AGPAT1: variants seen among roughly 807,000 people sequenced by gnomAD.
AGPAT1 encodes the protein 1-acylglycerol-3-phosphate O-acyltransferase 1.
AGPAT1 carries 6 observed loss-of-function variants against 31.2 expected under a neutral mutation model. The observed-to-expected ratio is 0.19, with a 90% CI of 0.11 to 0.38. AGPAT1 has a LOEUF of 0.38. Among genes scored for constraint, AGPAT1 ranks in the 10% least tolerant of loss-of-function variants. The pLI is 1.00. For missense variants in AGPAT1, 187 were observed against 377.8 expected (o/e 0.49, Z 4.19); for synonymous variants, 139 against 154.0 (o/e 0.90, Z 0.72).
rs1052230279 is a variant in AGPAT1 at position 32,174,543 on chromosome 6, T to C, written c.-10+1271A>G. On this transcript the variant is annotated intron_variant, in intron 1 of 6. Transcript: ENST00000375107. This position sits in a 1 kb window ranked among gnomAD's most constrained non-coding sequence, Gnocchi z 4.5. ...TGCAAAGAATGGAGGATAATGTCCA[T>C]AAATAAATACCAACAATGGGGTTCA... Among the ~76,000 whole-genome samples, 6 of 152,186 alleles carry C rather than the reference T, an allele frequency of 3.9e-5. No individual in the cohort carries two copies. Among genetic ancestry groups the C allele is most frequent in the Admixed American group, 3.3e-4 (5 of 15,280 alleles).
At position 32,171,381 on chromosome 6, in the gene AGPAT1, G is replaced by A. The variant is rs756914433; in HGVS notation, c.116C>T (p.Ala39Val). ...GAAGAGGATCCAGCCATTGTAGAAG[G>A]CCATCTTGAAGAAGTACTTGGCACT... ...SPSAKYFFKMAFYNGWILFLA... is the reference protein window; with the variant it reads ...SPSAKYFFKMVFYNGWILFLA... The change falls in exon 2 of 7, where the codon GCC becomes GTC. Residue 39 changes from alanine to valine, a missense_variant. Ala to Val is a moderately conservative substitution (Grantham distance 64). Around this residue, in one of 3 missense-constraint regions of AGPAT1, gnomAD observed 45 missense variants for 60.9 expected, o/e 0.74. Transcript: ENST00000375107. This position sits in a 1 kb window ranked among gnomAD's most constrained non-coding sequence, Gnocchi z 6.9. 6.2e-7 allele frequency: 1 copy of A among 1,613,066 alleles called. No homozygotes were observed.
upstream of AGPAT1, chr6:32,177,242 G>A (rs1370695218): frequency 2.5e-6 from 1 of 396,400 alleles, no homozygotes; most frequent in East Asian, 3.6e-5. Context: ...ACCTAATTCT[G>A]CTCCTTTAGT....
rs1582668511 is a variant in AGPAT1 at position 32,172,662 on chromosome 6, A to T, written c.-9-1157T>A. 6.6e-6 allele frequency among the ~76,000 whole-genome samples: 1 copy of T among 152,304 alleles called. No homozygotes were observed. The highest frequency in any genetic ancestry group is 2.1e-4 in the South Asian group (1 of 4,830). On this transcript the variant is annotated intron_variant, in intron 1 of 6. Transcript: ENST00000375107. The surrounding 1 kb of genome is among the most constrained non-coding windows in gnomAD (Gnocchi z 4.3). ...ACCACTCCATTACGCTGACACTGGT[A>T]TGTATTGCATATATATATACGAACA...
chr6:32,171,830 G>A lies in AGPAT1; in HGVS notation c.-9-325C>T. On this transcript the variant is annotated intron_variant, in intron 1 of 6. Coordinates refer to ENST00000375107, the MANE Select transcript of AGPAT1 (RefSeq NM_006411.4). This position sits in a 1 kb window ranked among gnomAD's most constrained non-coding sequence, Gnocchi z 6.9. ...AATAGCTAACACTTGTAGCTGGTAA[G>A]GGTCTTATAATGGTCTATACTTGTG... The A allele has an allele frequency of 4.0e-6, 2 of 501,096 alleles. No individual in the cohort carries two copies. 31.0% of individuals were successfully genotyped at this position (501,096 alleles called of 1,614,324 possible). A position where few individuals can be genotyped will look rare whatever the true frequency, so the allele number is the denominator to read the frequency against.
chr6:32,172,495 TG>T lies in AGPAT1; in HGVS notation c.-9-991del, dbSNP rs1351712048. On this transcript the variant is annotated intron_variant, in intron 1 of 6. Transcript: ENST00000375107. This position sits in a 1 kb window ranked among gnomAD's most constrained non-coding sequence, Gnocchi z 4.3. The stretch of plus-strand genomic sequence containing the variant: ...TATACATTAAGTTAAACTCTTAAAA[TG>T]ATGCATATGATAGTCTAGAAAGTAC... 7.2e-5 allele frequency among the ~76,000 whole-genome samples: 11 copies of T among 152,190 alleles called. No homozygotes were observed. The highest frequency in any genetic ancestry group is 2.7e-4 in the African/African-American group (11 of 41,432).
In AGPAT1 at chr6:32,174,266, G is replaced by A. The variant is rs1381157507; in HGVS notation, c.-10+1548C>T. Reference sequence around the variant, plus strand: ...CCATAGAGCCACAGTTAATGACAGAGATGGCGGTTCTGATCACAAATTAGA... The same window carrying A: ...CCATAGAGCCACAGTTAATGACAGAAATGGCGGTTCTGATCACAAATTAGA... On this transcript the variant is annotated intron_variant, in intron 1 of 6. Transcript: ENST00000375107. The surrounding 1 kb of genome is among the most constrained non-coding windows in gnomAD (Gnocchi z 4.5). Among the ~76,000 whole-genome samples the A allele has an allele frequency of 6.6e-6, 1 of 152,202 alleles. No individual in the cohort carries two copies. The highest frequency in any genetic ancestry group is 1.5e-5 in the Non-Finnish European group (1 of 68,032).
rs1785227045 is a variant in AGPAT1 at position 32,172,875 on chromosome 6, A to G, written c.-9-1370T>C. 1 of 152,236 alleles carries G rather than the reference A, an allele frequency of 6.6e-6. No homozygotes were observed. Among genetic ancestry groups the G allele is most frequent in the Admixed American group, 6.5e-5 (1 of 15,280 alleles). The allele number at this position is 152,236 out of a possible 1,614,324, so 9.4% of individuals were successfully genotyped here. ...GACAGATAAAAGAATGTAAATGCAT[A>G]ACTAGAAAAATCCCTCTCCACCCAG... On this transcript the variant is annotated intron_variant, in intron 1 of 6. Coordinates refer to ENST00000375107, the MANE Select transcript of AGPAT1 (RefSeq NM_006411.4). This position sits in a 1 kb window ranked among gnomAD's most constrained non-coding sequence, Gnocchi z 4.3.
rs1269839 is a variant in AGPAT1, at chr6:32,169,153, G to A, written c.*123C>T. 3.8e-6 allele frequency: 4 copies of A among 1,066,564 alleles called. No individual in the cohort carries two copies. The highest frequency in any genetic ancestry group is 5.5e-6 in the Non-Finnish European group (4 of 731,804). The allele number at this position is 1,066,564 out of a possible 1,614,324, so 66.1% of individuals were successfully genotyped here. A position where few individuals can be genotyped will look rare whatever the true frequency, so the allele number is the denominator to read the frequency against. Reference sequence around the variant, plus strand: ...CACTTCAGAAGTTGAAGATTCCAAAGAGGAGAATAAGTGGGGAGAGGGGAG... The same window carrying A: ...CACTTCAGAAGTTGAAGATTCCAAAAAGGAGAATAAGTGGGGAGAGGGGAG... On this transcript the variant is annotated 3_prime_UTR_variant, in exon 7 of 7. Transcript: ENST00000375107. This position sits in a 1 kb window ranked among gnomAD's most constrained non-coding sequence, Gnocchi z 5.9.
rs935853757 is a variant in AGPAT1 at position 32,170,264 on chromosome 6, G to A, written c.511-4C>T. On this transcript the variant is annotated splice_region_variant and splice_polypyrimidine_tract_variant and intron_variant, in intron 4 of 6. Coordinates refer to ENST00000375107, the MANE Select transcript of AGPAT1 (RefSeq NM_006411.4). This position sits in a 1 kb window ranked among gnomAD's most constrained non-coding sequence, Gnocchi z 7.7. ...CAGGAAACACCCAGACCCTCACCTG[G>A]GGGAGAAAGAGGGTCAAAGAAGACA... 13 of 1,612,320 alleles carry A rather than the reference G, an allele frequency of 8.1e-6. No homozygotes were observed. Among genetic ancestry groups the A allele is most frequent in the Non-Finnish European group, 1.1e-5 (13 of 1,179,186 alleles).
rs961146701 is a variant in AGPAT1 at position 32,172,437 on chromosome 6, C to T, written c.-9-932G>A. On this transcript the variant is annotated intron_variant, in intron 1 of 6. Transcript: ENST00000375107. This position sits in a 1 kb window ranked among gnomAD's most constrained non-coding sequence, Gnocchi z 4.3. ...CTACCATAAAAAAATTACATTGTGG[C>T]TTGCATTATATTTCTGTAGAACAGT... Among the ~76,000 whole-genome samples the T allele has an allele frequency of 2.0e-5, 3 of 152,072 alleles. No individual in the cohort carries two copies. The highest frequency in any genetic ancestry group is 4.4e-5 in the Non-Finnish European group (3 of 68,032).
rs1401431045 is a variant in AGPAT1, at chr6:32,170,650, C to CA, written c.335-51dup. ...GGATCGGGGTGGAGGCAGAGTGTCA[C>CA]AGAAGGCAACCCACCTCACCCAGCT... On this transcript the variant is annotated intron_variant, in intron 3 of 6. Transcript: ENST00000375107. The surrounding 1 kb of genome is among the most constrained non-coding windows in gnomAD (Gnocchi z 7.7). 6.3e-7 allele frequency: 1 copy of CA among 1,589,936 alleles called. No homozygotes were observed. The highest frequency in any genetic ancestry group is 1.3e-5 in the African/African-American group (1 of 74,656).
rs1784887807 is a variant in AGPAT1, at chr6:32,169,697, GA to G, written c.680-250del. On this transcript the variant is annotated intron_variant, in intron 6 of 6. Transcript: ENST00000375107. This position sits in a 1 kb window ranked among gnomAD's most constrained non-coding sequence, Gnocchi z 5.9. Reference sequence around the variant, plus strand: ...TCCTCTGGGTTTGGCATTTACTGCTGAATGAGTGTTATTCATTACAGCTTTG... The same window carrying G: ...TCCTCTGGGTTTGGCATTTACTGCTGATGAGTGTTATTCATTACAGCTTTG... Among the ~76,000 whole-genome samples the G allele has an allele frequency of 6.6e-6, 1 of 152,106 alleles. No individual in the cohort carries two copies. Among genetic ancestry groups the G allele is most frequent in the Non-Finnish European group, 1.5e-5 (1 of 68,028 alleles).
At position 32,171,718 on chromosome 6, in the gene AGPAT1, C is replaced by T. The variant is rs1785123137; in HGVS notation, c.-9-213G>A. On this transcript the variant is annotated intron_variant, in intron 1 of 6. Transcript: ENST00000375107. The surrounding 1 kb of genome is among the most constrained non-coding windows in gnomAD (Gnocchi z 6.9). ...AGGACTGCTCTCCCACCACTCTTCC[C>T]AAAGGCTCCGGATATATTCAGACAA... The T allele has an allele frequency of 1.6e-6, 1 of 620,868 alleles. No homozygotes were observed. Among genetic ancestry groups the T allele is most frequent in the Non-Finnish European group, 2.8e-6 (1 of 356,344 alleles). The allele number at this position is 620,868 out of a possible 1,614,324, so 38.5% of individuals were successfully genotyped here. A position where few individuals can be genotyped will look rare whatever the true frequency, so the allele number is the denominator to read the frequency against.
upstream of AGPAT1, chr6:32,177,432 G>C (rs1785669723): frequency 4.2e-6 from 1 of 238,590 alleles, no homozygotes; most frequent in Admixed American, 5.6e-5. Context: ...GTTGAGCCCA[G>C]AGCTTTCCTG....
At position 32,170,027 on chromosome 6, in the gene AGPAT1, G is replaced by A; in HGVS notation, c.618C>T (p.Val206=). The A allele has an allele frequency of 6.2e-7, 1 of 1,614,040 alleles. No homozygotes were observed. The highest frequency in any genetic ancestry group is 8.5e-7 in the Non-Finnish European group (1 of 1,179,984). Residue 206 remains valine (V), a synonymous_variant, in exon 6 of 7, where the codon GTC becomes GTT. Coordinates refer to ENST00000375107, the MANE Select transcript of AGPAT1 (RefSeq NM_006411.4). The surrounding 1 kb of genome is among the most constrained non-coding windows in gnomAD (Gnocchi z 7.7). ...CTTGGTAGGAGGACATGACTATGGG[G>A]ACAATGGGAACCTGGGGAAGGGTTA... ...HLAVQAQVPI[V]PIVMSSYQDF... is the part of the protein sequence containing the mutation.
At position 32,171,197 on chromosome 6, in the gene AGPAT1, C is replaced by G. The variant is rs1032315097; in HGVS notation, c.200+100G>C. On this transcript the variant is annotated intron_variant, in intron 2 of 6. Coordinates refer to ENST00000375107, the MANE Select transcript of AGPAT1 (RefSeq NM_006411.4). The surrounding 1 kb of genome is among the most constrained non-coding windows in gnomAD (Gnocchi z 6.9). ...TCTCCCCATTCCCTGTCTCTGGTCTCTCTCAGTCTTTTCTACACACACCAT... is the reference window on the plus strand; with the variant it reads ...TCTCCCCATTCCCTGTCTCTGGTCTGTCTCAGTCTTTTCTACACACACCAT... The G allele has an allele frequency of 1.8e-5, 28 of 1,597,610 alleles. No individual in the cohort carries two copies. The highest frequency in any genetic ancestry group is 1.3e-4 in the Admixed American group (8 of 59,508).
upstream of AGPAT1, chr6:32,176,107 A>G (rs1785530484): frequency 1.0e-6 from 1 of 984,878 alleles, no homozygotes; most frequent in East Asian, 1.1e-4. Context: ...CCCCTCCCCA[A>G]CGCCTGCTGG....
rs757415714 is a variant in AGPAT1, at chr6:32,170,980, G to C, written c.291C>G (p.Pro97=). 1.2e-6 allele frequency: 2 copies of C among 1,612,702 alleles called. No individual in the cohort carries two copies. Among genetic ancestry groups the C allele is most frequent in the Non-Finnish European group, 1.7e-6 (2 of 1,179,956 alleles). ...TCTGGTGGTTGGAGACAACAACATA[G>C]GGCTGCGAGGGAGGGAAGTGGTGAG... The part of the protein sequence containing the change: ...RGAHHFPPSQ[P]YVVVSNHQSS... Residue 97 remains proline (P), a synonymous_variant, in exon 3 of 7, where the codon CCC becomes CCG. Coordinates refer to ENST00000375107, the MANE Select transcript of AGPAT1 (RefSeq NM_006411.4). This position sits in a 1 kb window ranked among gnomAD's most constrained non-coding sequence, Gnocchi z 7.7.
At chr6:32,176,145 G>A (rs1785534144), upstream of AGPAT1, 1 of 985,474 alleles carries the variant, frequency 1.0e-6, no homozygotes, top group Non-Finnish European at 1.2e-6. Context: ...GAAGTGGAGG[G>A]CGGTGATGGG....
Sources: allele counts gnomAD v4.1 joint callset (sites outside exome capture counted in the v4.1 genomes callset), GRCh38; gene constraint gnomAD v4.1.1; regional missense constraint gnomAD v4.1.1; non-coding constraint Gnocchi (gnomAD v3.1); transcripts MANE v1.5; gene names NCBI Gene and HGNC (gene_info 2026-07-23, HGNC 2026-07-21).